The following DARS1 variants were observed in gnomAD, a reference collection of about 807,000 sequenced individuals.
DARS1 encodes the protein aspartate--tRNA ligase, cytoplasmic.
Under a neutral mutation model 68.8 loss-of-function variants are expected in DARS1, and 51 were observed. The ratio of observed to expected loss-of-function variants is 0.74; its 90% confidence interval spans 0.59 to 0.94. The LOEUF (loss-of-function observed/expected upper bound fraction) is 0.94, where lower values mean the gene tolerates loss of function less well. DARS1 is among the 40% of genes least tolerant of loss of function. DARS1 has a pLI of 0.00. For missense variants in DARS1, 607 were observed against 597.3 expected (o/e 1.02, Z -0.17); for synonymous variants, 203 against 190.4 (o/e 1.07, Z -0.55).
chr2:135,944,444 G>C (rs1427738620), intron 4 of DARS1, among the ~76,000 whole-genome samples: 1 of 151,992 alleles, frequency 6.6e-6, no homozygotes, highest in Non-Finnish European at 1.5e-5. Context: ...TTAAACAAGA[G>C]AACACCAGAA....
intron 7 of DARS1, among the ~76,000 whole-genome samples, chr2:135,931,698 G>C (rs1681351342): frequency 6.6e-6 from 1 of 152,112 alleles, no homozygotes; most frequent in Non-Finnish European, 1.5e-5. Context: ...TTGCTGGGTG[G>C]TGCAGGGCAA....
At chr2:135,959,745 A>G (rs1318293670) in intron 4 of DARS1, among the ~76,000 whole-genome samples, 1 of 152,178 alleles carries the variant, frequency 6.6e-6, no homozygotes, top group Non-Finnish European at 1.5e-5. Flanking sequence ...CTCTCACTGA[A>G]TATTATGGGT....
intron 4 of DARS1, among the ~76,000 whole-genome samples, chr2:135,948,357 T>C (rs891266194): frequency 1.3e-5 from 2 of 152,180 alleles, no homozygotes; most frequent in Non-Finnish European, 2.9e-5. Flanking sequence ...TATACACTCC[T>C]ATCACAGCAC....
rs138051184 is a variant in DARS1 at position 135,930,274 on chromosome 2, T to C, written c.564+2509A>G. Among the ~76,000 whole-genome samples, 89 of 152,304 alleles carry C rather than the reference T, an allele frequency of 5.8e-4. 1 individual carries two copies. The East Asian group carries it at 0.016, about 28-fold the overall frequency. On this transcript the variant is annotated intron_variant, in intron 7 of 15. Coordinates refer to ENST00000264161, the MANE Select transcript of DARS1 (RefSeq NM_001349.4). ...GAAAAAAAGTTACAGAATTACATAG[T>C]AGGGGCTATTTGATAGTGTGATTTC...
At position 135,961,478 on chromosome 2, in the gene DARS1, G is replaced by T; in HGVS notation, c.238C>A (p.Leu80Ile). ...RAKGKQCFLVLRQQQFNVQAL... is the reference protein window; with the variant it reads ...RAKGKQCFLVIRQQQFNVQAL... ...TGGACATTAAACTGCTGCTGACGTA[G>T]GACTAAGAAGCACTGTTTCCCTGAA... is the stretch of plus-strand genomic sequence containing the variant. The change falls in exon 4 of 16, where the codon CTA becomes ATA. Residue 80 changes from leucine to isoleucine, a missense_variant. Coordinates refer to ENST00000264161, the MANE Select transcript of DARS1 (RefSeq NM_001349.4). 6.7e-7 allele frequency: 1 copy of T among 1,490,562 alleles called. No individual in the cohort carries two copies. The highest frequency in any genetic ancestry group is 9.4e-7 in the Non-Finnish European group (1 of 1,067,064). The allele number at this position is 1,490,562 out of a possible 1,614,324, so 92.3% of individuals were successfully genotyped here.
At chr2:135,977,419 C>T (rs1437104335) in intron 3 of DARS1, among the ~76,000 whole-genome samples, 6 of 152,086 alleles carry the variant, frequency 3.9e-5, no homozygotes, top group Admixed American at 6.6e-5. Context: ...ACATGGCAGT[C>T]GTAAAATAAA....
Position 135,920,504 on chromosome 2 carries a change from A to G in DARS1, c.908T>C (p.Met303Thr), listed in dbSNP as rs367838391. Residue 303 changes from methionine (M) to threonine (T), a missense_variant, in exon 10 of 16, where the codon ATG (methionine) becomes ACG (threonine). By Grantham distance (81) the Met-to-Thr change is moderately conservative. Transcript: ENST00000264161. ...MAFNYHYHEV[M>T]EEIADTMVQI... ...TACCATGGTGTCAGCAATTTCTTCC[A>G]TAACTTCGTGGTAATGGTAATTAAA... 6.8e-6 allele frequency: 11 copies of G among 1,613,632 alleles called. No homozygotes were observed. The highest frequency in any genetic ancestry group is 3.3e-5 in the South Asian group (3 of 91,046).
At chr2:135,920,986 A>C (rs1336242924) in intron 9 of DARS1, among the ~76,000 whole-genome samples, 6 of 151,742 alleles carry the variant, frequency 4.0e-5, no homozygotes, top group Admixed American at 3.9e-4. Context: ...TAACATACGT[A>C]TTCCATTTGA....
intron 2 of DARS1, among the ~76,000 whole-genome samples, chr2:135,982,618 T>C (rs373667027): frequency 2.1e-4 from 32 of 149,466 alleles, no homozygotes; most frequent in Middle Eastern, 3.4e-3. Context: ...AAAAGAAATA[T>C]AAAGATGCCA....
At position 135,985,470 on chromosome 2, in the gene DARS1, G is replaced by A; in HGVS notation, c.-2C>T. 1 of 1,613,906 alleles carries A rather than the reference G, an allele frequency of 6.2e-7. No homozygotes were observed. Among genetic ancestry groups the A allele is most frequent in the Non-Finnish European group, 8.5e-7 (1 of 1,179,938 alleles). On this transcript the variant is annotated 5_prime_UTR_variant, in exon 1 of 16. Coordinates refer to ENST00000264161, the MANE Select transcript of DARS1 (RefSeq NM_001349.4). ...GCGGCTGGCGCTGGCGCTGGGCATC[G>A]GGACACGGAACTGGGCAGTGGACAC...
At chr2:135,911,598 T>C in intron 13 of DARS1, 105 bp from the exon 14 acceptor site, 1 of 649,840 alleles carries the variant, frequency 1.5e-6, no homozygotes. Flanking sequence ...CATTTTTTCC[T>C]ACAATTAACA....
intron 5 of DARS1, among the ~76,000 whole-genome samples, chr2:135,941,666 A>C (rs1417131589): frequency 1.9e-4 from 29 of 151,020 alleles, no homozygotes; most frequent in African/African-American, 4.8e-4. Flanking sequence ...AATGGGATCT[A>C]ATTAAACTAA....
intron 3 of DARS1, among the ~76,000 whole-genome samples, chr2:135,971,053 C>G (rs1682357565): frequency 6.6e-6 from 1 of 152,058 alleles, no homozygotes. Flanking sequence ...TCAAACTGTT[C>G]CAAAAAACAG....
intron 5 of DARS1, among the ~76,000 whole-genome samples, chr2:135,940,358 T>C (rs561006793): frequency 3.3e-5 from 5 of 152,200 alleles, no homozygotes; most frequent in South Asian, 2.1e-4. Flanking sequence ...GTTTAACATA[T>C]GCAAATCAAT....
chr2:135,979,461 T>C lies in DARS1; in HGVS notation c.125-95A>G. 2.8e-6 allele frequency: 2 copies of C among 707,138 alleles called. 1 individual carries two copies. The highest frequency in any genetic ancestry group is 3.4e-5 in the South Asian group (2 of 59,022). The allele number at this position is 707,138 out of a possible 1,614,324, so 43.8% of individuals were successfully genotyped here. A position where few individuals can be genotyped will look rare whatever the true frequency, so the allele number is the denominator to read the frequency against. On this transcript the variant is annotated intron_variant, in intron 2 of 15. Coordinates refer to ENST00000264161, the MANE Select transcript of DARS1 (RefSeq NM_001349.4). ...AATTATTTTTGACAGCTAGCATAAGTACTTGGAACCATCCTGAATAATTCT... is the reference window on the plus strand; with the variant it reads ...AATTATTTTTGACAGCTAGCATAAGCACTTGGAACCATCCTGAATAATTCT...
chr2:135,938,634 T>A (rs1681523663), intron 5 of DARS1, among the ~76,000 whole-genome samples: 1 of 152,212 alleles, frequency 6.6e-6, no homozygotes. Context: ...GCTAACGTCA[T>A]GACAGGATCA....
In DARS1 at chr2:135,985,455, C is replaced by G. The variant is rs987948215; in HGVS notation, c.14G>C (p.Ser5Thr). Residue 5 changes from serine (S) to threonine (T), a missense_variant, in exon 1 of 16, where the codon AGC (serine) becomes ACC (threonine). Physicochemically the swap from Ser to Thr is moderately conservative, Grantham distance 58. Transcript: ENST00000264161. Reference protein sequence around the residue: MPSASASRKSQEKPR... With the variant: MPSATASRKSQEKPR... ...CTTCTCCTGACTCTTGCGGCTGGCG[C>G]TGGCGCTGGGCATCGGGACACGGAA... The G allele has an allele frequency of 1.2e-6, 2 of 1,613,936 alleles. No individual in the cohort carries two copies. The highest frequency in any genetic ancestry group is 1.7e-6 in the Non-Finnish European group (2 of 1,179,964).
intron 14 of DARS1, 79 bp from the exon 15 acceptor site, chr2:135,911,289 G>T: frequency 1.2e-6 from 1 of 865,702 alleles, no homozygotes; most frequent in Non-Finnish European, 2.0e-6. Flanking sequence ...ACTGTTCAAT[G>T]GAGATTTTTA....
rs148325510 is a variant in DARS1, at chr2:135,936,219, T to C, written c.424-2229A>G. 2.0e-3 allele frequency among the ~76,000 whole-genome samples: 299 copies of C among 152,356 alleles called. 3 individuals are homozygous for C. The Middle Eastern group carries it at 0.02, about 10-fold the overall frequency. ...AAGATTCTACTTAGTAGGTAATACT[T>C]CATGCTTTGTGAAATACTTTATTTT... On this transcript the variant is annotated intron_variant, in intron 5 of 15. Transcript: ENST00000264161.
Sources: allele counts gnomAD v4.1 joint callset (sites outside exome capture counted in the v4.1 genomes callset), GRCh38; gene constraint gnomAD v4.1.1; transcripts MANE v1.5; gene names NCBI Gene and HGNC (gene_info 2026-07-23, HGNC 2026-07-21).